Variants in BMP8A observed in about 807,000 individuals in gnomAD.
BMP8A encodes bone morphogenetic protein 8a, also known as BMP-8A.
BMP8A carries 14 observed loss-of-function variants against 36.8 expected under a neutral mutation model. That is an observed-to-expected ratio of 0.38 (90% CI 0.25 to 0.60). The LOEUF (loss-of-function observed/expected upper bound fraction) is 0.60, where lower values mean the gene tolerates loss of function less well. Among genes scored for constraint, BMP8A ranks in the 20% least tolerant of loss-of-function variants. The pLI is 0.63. For synonymous variants in BMP8A, 120 were observed against 237.7 expected, an observed-to-expected ratio of 0.50 and a Z score of 4.55; for missense variants, 267 against 551.1, an observed-to-expected ratio of 0.48 and a Z score of 5.16.
intron 1 of BMP8A, among the ~76,000 whole-genome samples, chr1:39,509,294 C>T (rs1294844739): frequency 6.6e-6 from 1 of 152,222 alleles, no homozygotes; most frequent in Admixed American, 6.5e-5. Context: ...GATTCTTACA[C>T]AGCCATGTAA....
intron 3 of BMP8A, chr1:39,514,968 C>T (rs1645384257): frequency 7.9e-6 from 12 of 1,520,378 alleles, no homozygotes; most frequent in Admixed American, 4.4e-5. Context: ...GGCGGCGCTG[C>T]GGCTCCTGGC....
chr1:39,522,288 T>TGTC, intron 4 of BMP8A, 115 bp from the exon 5 acceptor site: 1 of 1,130,284 alleles, frequency 8.8e-7, no homozygotes, highest in Non-Finnish European at 1.3e-6. Flanking sequence ...AATGGTTTCC[T>TGTC]GTCATTCATT....
In BMP8A at chr1:39,524,527, T is replaced by G. The variant is rs1645462632; in HGVS notation, c.1060-1122T>G. 2.0e-5 allele frequency among the ~76,000 whole-genome samples: 3 copies of G among 151,974 alleles called. No homozygotes were observed. Among genetic ancestry groups the G allele is most frequent in the African/African-American group, 7.3e-5 (3 of 41,350 alleles). ...TCCAGAAGGAGCAAGTGCAAGGCCC[T>G]AAGACAGGAGCAGGCTGGCCCTAAG... is the stretch of plus-strand genomic sequence containing the variant. On this transcript the variant is annotated intron_variant, in intron 6 of 6. Coordinates refer to ENST00000331593, the MANE Select transcript of BMP8A (RefSeq NM_181809.4). The surrounding 1 kb of genome is among the most constrained non-coding windows in gnomAD (Gnocchi z 4.0).
chr1:39,523,055 G>A lies in BMP8A; in HGVS notation c.997G>A (p.Glu333Lys), dbSNP rs763362758. The A allele has an allele frequency of 6.2e-7, 1 of 1,613,758 alleles. No individual in the cohort carries two copies. The highest frequency in any genetic ancestry group is 2.2e-5 in the East Asian group (1 of 44,880). ...CTACTCAGCCTATTACTGTGAGGGG[G>A]AGTGCTCCTTCCCGCTGGACTCCTG... ...QGYSAYYCEG[E>K]CSFPLDSCMN... The change falls in exon 6 of 7, where the codon GAG becomes AAG. Residue 333 changes from glutamate (E) to lysine (K), a missense_variant. By Grantham distance (56) the Glu-to-Lys change is moderately conservative. Coordinates refer to ENST00000331593, the MANE Select transcript of BMP8A (RefSeq NM_181809.4).
intron 1 of BMP8A, among the ~76,000 whole-genome samples, chr1:39,502,294 A>G (rs1645260549): frequency 6.6e-6 from 1 of 152,010 alleles, no homozygotes; most frequent in Admixed American, 6.6e-5. Context: ...AGGTGCCAGT[A>G]TGATCTCAGA....
At chr1:39,503,224 GGTACATGACT>G (rs1437136666) in intron 1 of BMP8A, among the ~76,000 whole-genome samples, 2 of 152,068 alleles carry the variant, frequency 1.3e-5, no homozygotes, top group African/African-American at 4.8e-5. Context: ...CAGGTGTGGT[GGTACATGACT>G]GTACATGACT....
chr1:39,495,145 A>G (rs1417137714), intron 1 of BMP8A, among the ~76,000 whole-genome samples: 3 of 152,082 alleles, frequency 2.0e-5, no homozygotes, highest in Admixed American at 2.0e-4. Context: ...CACTGCCCAC[A>G]CCCAGGCTCT....
intron 1 of BMP8A, among the ~76,000 whole-genome samples, chr1:39,494,728 C>T (rs1413279885): frequency 6.6e-6 from 1 of 152,174 alleles, no homozygotes; most frequent in African/African-American, 2.4e-5. Context: ...CCATTTCATG[C>T]GCTCAGAGAG....
rs896505068 is a variant in BMP8A at position 39,529,311 on chromosome 1, A to C, written c.*3513A>C. The C allele has an allele frequency of 5.9e-5, 9 of 152,404 alleles. No individual in the cohort carries two copies. Among genetic ancestry groups the C allele is most frequent in the Admixed American group, 3.9e-4 (6 of 15,308 alleles). The allele number at this position is 152,404 out of a possible 1,614,324, so 9.4% of individuals were successfully genotyped here. On this transcript the variant is annotated 3_prime_UTR_variant, in exon 7 of 7. Coordinates refer to ENST00000331593, the MANE Select transcript of BMP8A (RefSeq NM_181809.4). ...TATTTACCTGAGAGCTATGCTTTTCATCAAAAACCTAAACGTGATCATCTC... is the reference window on the plus strand; with the variant it reads ...TATTTACCTGAGAGCTATGCTTTTCCTCAAAAACCTAAACGTGATCATCTC...
Position 39,529,026 on chromosome 1 carries a change from C to T in BMP8A, c.*3228C>T, listed in dbSNP as rs1645510078. 1 of 152,278 alleles carries T rather than the reference C, an allele frequency of 6.6e-6. No homozygotes were observed. Among genetic ancestry groups the T allele is most frequent in the African/African-American group, 2.4e-5 (1 of 41,454 alleles). 9.4% of individuals were successfully genotyped at this position (152,278 alleles called of 1,614,324 possible). A position where few individuals can be genotyped will look rare whatever the true frequency, so the allele number is the denominator to read the frequency against. ...GCGTGAGCCACTTACCCGGCCTCTG[C>T]CTCTTGTTAATTTGACCACATCATG... On this transcript the variant is annotated 3_prime_UTR_variant, in exon 7 of 7. Transcript: ENST00000331593.
At position 39,522,489 on chromosome 1, in the gene BMP8A, G is replaced by C; in HGVS notation, c.948+7G>C. The C allele has an allele frequency of 6.2e-7, 1 of 1,613,842 alleles. No homozygotes were observed. The highest frequency in any genetic ancestry group is 8.5e-7 in the Non-Finnish European group (1 of 1,179,788). On this transcript the variant is annotated splice_region_variant and intron_variant, in intron 5 of 6. Transcript: ENST00000331593. ...CCAGGACCTTGGCTGGCTGGTAATT[G>C]CTGACTCTCCTTGTTTCTGAAATGA... is the stretch of plus-strand genomic sequence containing the variant.
At chr1:39,518,101 G>C (rs1355225440) in intron 3 of BMP8A, among the ~76,000 whole-genome samples, 1 of 152,182 alleles carries the variant, frequency 6.6e-6, no homozygotes, top group Non-Finnish European at 1.5e-5. Context: ...AAGATTGTGT[G>C]TGTGTGTGTG....
In BMP8A at chr1:39,527,256, T is replaced by G. The variant is rs1645492408; in HGVS notation, c.*1458T>G. ...AGGCTGAGTTGGGTGGGGAGGTTTG[T>G]CTCGGCCTCCACTGTTCCCGGAAAC... On this transcript the variant is annotated 3_prime_UTR_variant, in exon 7 of 7. Coordinates refer to ENST00000331593, the MANE Select transcript of BMP8A (RefSeq NM_181809.4). 6.6e-6 allele frequency among the ~76,000 whole-genome samples: 1 copy of G among 152,154 alleles called. No homozygotes were observed. The highest frequency in any genetic ancestry group is 2.4e-5 in the African/African-American group (1 of 41,416).
At chr1:39,523,178 T>TG (rs1645446896) in intron 6 of BMP8A, 61 bp downstream of exon 6, 1 of 1,576,088 alleles carries the variant, frequency 6.3e-7, no homozygotes, top group East Asian at 2.3e-5. Context: ...GAGAGGGGTC[T>TG]GGTCCAGCCA....
In BMP8A at chr1:39,524,138, G is replaced by A. The variant is rs1011720474; in HGVS notation, c.1059+1021G>A. The stretch of plus-strand genomic sequence containing the variant: ...CACCTGGAGCCATCTCCTTGGAAAG[G>A]CCCAGGGGTGATGAGGACGCGTGGG... On this transcript the variant is annotated intron_variant, in intron 6 of 6. Transcript: ENST00000331593. This position sits in a 1 kb window ranked among gnomAD's most constrained non-coding sequence, Gnocchi z 4.0. 1.3e-5 allele frequency among the ~76,000 whole-genome samples: 2 copies of A among 152,220 alleles called. No homozygotes were observed. The highest frequency in any genetic ancestry group is 4.8e-5 in the African/African-American group (2 of 41,452).
chr1:39,508,172 A>AC (rs1163535454), intron 1 of BMP8A, among the ~76,000 whole-genome samples: 1 of 151,732 alleles, frequency 6.6e-6, no homozygotes, highest in Admixed American at 6.6e-5. Context: ...AATGGCGTGA[A>AC]CCCGGGAGGC....
intron 1 of BMP8A, among the ~76,000 whole-genome samples, chr1:39,504,439 G>A (rs1645281177): frequency 6.6e-6 from 1 of 152,254 alleles, no homozygotes; most frequent in African/African-American, 2.4e-5. Context: ...TTTAAGGAAA[G>A]GCGCTGTGCC....
Position 39,526,554 on chromosome 1 carries a change from G to C in BMP8A, c.*756G>C, listed in dbSNP as rs1032120278. 6.6e-6 allele frequency among the ~76,000 whole-genome samples: 1 copy of C among 152,116 alleles called. No homozygotes were observed. Among genetic ancestry groups the C allele is most frequent in the African/African-American group, 2.4e-5 (1 of 41,418 alleles). On this transcript the variant is annotated 3_prime_UTR_variant, in exon 7 of 7. Transcript: ENST00000331593. ...GGGTTTCACCATATCGGCCAGGCTG[G>C]TCTTGAACTCCTGACCTCAGGTGAT...
chr1:39,508,424 C>G (rs1416598568), intron 1 of BMP8A, among the ~76,000 whole-genome samples: 1 of 152,238 alleles, frequency 6.6e-6, no homozygotes, highest in Non-Finnish European at 1.5e-5. Context: ...CCACTCCTAT[C>G]CCACGGCCCC....
Sources: gnomAD v4.1 joint callset for allele counts (sites outside exome capture counted in the v4.1 genomes callset) on GRCh38, gnomAD v4.1.1 for gene constraint, Gnocchi (gnomAD v3.1) non-coding constraint, MANE v1.5 for transcripts, NCBI Gene and HGNC (gene_info 2026-07-23, HGNC 2026-07-21) for gene names.